Variants in RPS6KA2 observed in about 807,000 individuals in gnomAD.
RPS6KA2 encodes ribosomal protein S6 kinase alpha-2.
RPS6KA2 carries 42 observed loss-of-function variants against 91.8 expected under a neutral mutation model. The observed-to-expected ratio is 0.46, with a 90% confidence interval of 0.36 to 0.59. The LOEUF is 0.59. RPS6KA2 is among the 20% of genes least tolerant of loss of function. The pLI, the probability that RPS6KA2 is intolerant of heterozygous loss-of-function variation, is 0.00. For missense variants in RPS6KA2, 798 were observed against 978.5 expected, an observed-to-expected ratio of 0.82 and a Z score of 2.46; for synonymous variants, 414 against 393.6, an observed-to-expected ratio of 1.05 and a Z score of -0.61.
At chr6:166,782,890 T>G (rs1778806487) in intron 2 of RPS6KA2, among the ~76,000 whole-genome samples, 1 of 151,126 alleles carries the variant, frequency 6.6e-6, no homozygotes, top group Non-Finnish European at 1.5e-5. Flanking sequence ...TCCTCTGCTC[T>G]GGGTGATCAT....
At chr6:166,664,911 C>T (rs1419612177) in intron 2 of RPS6KA2, among the ~76,000 whole-genome samples, 2 of 152,128 alleles carry the variant, frequency 1.3e-5, no homozygotes, top group African/African-American at 2.4e-5. Context: ...CCTTTAGGAA[C>T]ATGAGCTCCA....
intron 2 of RPS6KA2, among the ~76,000 whole-genome samples, chr6:166,677,142 C>T (rs952258887): frequency 1.3e-5 from 2 of 152,210 alleles, no homozygotes; most frequent in South Asian, 4.1e-4. Context: ...GGTGTCTTCA[C>T]AACAGAAAGC....
intron 2 of RPS6KA2, among the ~76,000 whole-genome samples, chr6:166,642,028 G>T (rs775759928): frequency 6.6e-6 from 1 of 151,658 alleles, no homozygotes. Flanking sequence ...AAAATATACC[G>T]ATCTTCATAT....
chr6:166,831,279 G>A (rs1484521043), intron 2 of RPS6KA2, among the ~76,000 whole-genome samples: 5 of 152,148 alleles, frequency 3.3e-5, no homozygotes, highest in South Asian at 2.1e-4. Context: ...ATCCAGGACC[G>A]GAGGCCTCAC....
At chr6:166,720,155 G>A (rs958946020) in intron 2 of RPS6KA2, among the ~76,000 whole-genome samples, 2 of 152,124 alleles carry the variant, frequency 1.3e-5, no homozygotes, top group African/African-American at 4.8e-5. Context: ...TGTAAAGTGG[G>A]CATCTTTGTA....
In RPS6KA2 at chr6:166,457,222, C is replaced by G. The variant is rs556840985; in HGVS notation, c.1075+2227G>C. On this transcript the variant is annotated intron_variant, in intron 12 of 20. Coordinates refer to ENST00000265678, the MANE Select transcript of RPS6KA2 (RefSeq NM_021135.6). Reference sequence around the variant, plus strand: ...ATCTCGTGGTCAGACCTAATTGCCTCTGAGCTCCTTTTACATTCAGGCCAA... The same window carrying G: ...ATCTCGTGGTCAGACCTAATTGCCTGTGAGCTCCTTTTACATTCAGGCCAA... Among the ~76,000 whole-genome samples the G allele has an allele frequency of 2.6e-5, 4 of 152,330 alleles. No individual in the cohort carries two copies. In the East Asian group the frequency reaches 7.7e-4, roughly 29 times the overall value.
chr6:166,719,591 A>C (rs1041888762), intron 2 of RPS6KA2, among the ~76,000 whole-genome samples: 1 of 152,250 alleles, frequency 6.6e-6, no homozygotes, highest in African/African-American at 2.4e-5. Flanking sequence ...GGTCTTCTTA[A>C]ACCCCACAAT....
In RPS6KA2 at chr6:166,434,953, G is replaced by A. The variant is rs1361799206; in HGVS notation, c.1333-2463C>T. Among the ~76,000 whole-genome samples, 1 of 152,188 alleles carries A rather than the reference G, an allele frequency of 6.6e-6. No homozygotes were observed. The highest frequency in any genetic ancestry group is 1.5e-5 in the Non-Finnish European group (1 of 68,040). ...AAACATTTAATTGCCTTGCCTTCCTGTGAGGAGGGGAACAGGGTGCCTGGG... is the reference window on the plus strand; with the variant it reads ...AAACATTTAATTGCCTTGCCTTCCTATGAGGAGGGGAACAGGGTGCCTGGG... On this transcript the variant is annotated intron_variant, in intron 14 of 20. Coordinates refer to ENST00000265678, the MANE Select transcript of RPS6KA2 (RefSeq NM_021135.6). This position sits in a 1 kb window ranked among gnomAD's most constrained non-coding sequence, Gnocchi z 4.4.
intron 1 of RPS6KA2, among the ~76,000 whole-genome samples, chr6:166,546,482 CTTT>C (rs35709035): frequency 9.0e-5 from 13 of 144,434 alleles, no homozygotes; most frequent in African/African-American, 1.5e-4. Flanking sequence ...ACTGGGAAAA[CTTT>C]TTTTTTTTTT....
chr6:166,453,092 T>C lies in RPS6KA2; in HGVS notation c.1076-1859A>G, dbSNP rs184920082. 5.1e-3 allele frequency among the ~76,000 whole-genome samples: 778 copies of C among 151,826 alleles called. 11 individuals carry two copies. Among genetic ancestry groups the C allele is most frequent in the African/African-American group, 0.018 (736 of 41,372 alleles). On this transcript the variant is annotated intron_variant, in intron 12 of 20. Transcript: ENST00000265678. ...GGTGTACGCCTGTAATCCCAGCTGC[T>C]TGGGAGGCTGAGGCAGGAGAATTGC...
At position 166,839,683 on chromosome 6, in the gene RPS6KA2, G is replaced by GGC. The variant is rs1264513001; in HGVS notation, c.123+18516_123+18517insGC. Among the ~76,000 whole-genome samples, 274 of 86,384 alleles carry GGC rather than the reference G, an allele frequency of 3.2e-3. 10 individuals are homozygous for GGC. The highest frequency in any genetic ancestry group is 0.013 in the East Asian group (27 of 2,158). 56.7% of individuals were successfully genotyped at this position (86,384 alleles called of 152,430 possible). A position where few individuals can be genotyped will look rare whatever the true frequency, so the allele number is the denominator to read the frequency against. On this transcript the variant is annotated intron_variant, in intron 2 of 21. Transcript: ENST00000503859. Reference sequence around the variant, plus strand: ...AAGAGGGAGGTGGAAATCAGAGCAGGAGAGGAGAGGGGAGGAGAGGAGAGG... The same window carrying GGC: ...AAGAGGGAGGTGGAAATCAGAGCAGGGCAGAGGAGAGGGGAGGAGAGGAGAGG...
chr6:166,460,922 C>A (rs1241372445), intron 11 of RPS6KA2: 2 of 152,206 alleles, frequency 1.3e-5, no homozygotes, highest in African/African-American at 4.8e-5. Flanking sequence ...CGATGAGGCC[C>A]GACGGGAAGG....
At chr6:166,453,232 A>ACACACACACACAC (rs1562504101) in intron 12 of RPS6KA2, among the ~76,000 whole-genome samples, 31 of 94,274 alleles carry the variant, frequency 3.3e-4, no homozygotes, top group African/African-American at 1.1e-3. Context: ...CACACACACA[A>ACACACACACACAC]AAAGGCTTTA....
chr6:166,732,957 C>A lies in RPS6KA2; in HGVS notation c.123+125243G>T, dbSNP rs1306733717. Among the ~76,000 whole-genome samples, 2 of 152,072 alleles carry A rather than the reference C, an allele frequency of 1.3e-5. No homozygotes were observed. Among genetic ancestry groups the A allele is most frequent in the Non-Finnish European group, 2.9e-5 (2 of 68,014 alleles). ...TGCTGGCTTAGAGGAAATGAGGAAC[C>A]GGAGCGGCTGGGGTGCAGGGTGGGA... is the stretch of plus-strand genomic sequence containing the variant. On this transcript the variant is annotated intron_variant, in intron 2 of 21. Transcript: ENST00000503859. This position sits in a 1 kb window ranked among gnomAD's most constrained non-coding sequence, Gnocchi z 4.0.
intron 2 of RPS6KA2, among the ~76,000 whole-genome samples, chr6:166,651,293 G>T (rs1787847387): frequency 6.6e-6 from 1 of 152,210 alleles, no homozygotes; most frequent in African/African-American, 2.4e-5. Context: ...ACAGAAAAGT[G>T]TTGGATCATG....
At chr6:166,455,225 G>A (rs574975530) in intron 12 of RPS6KA2, among the ~76,000 whole-genome samples, 56 of 152,224 alleles carry the variant, frequency 3.7e-4, no homozygotes, top group African/African-American at 1.2e-3. Context: ...GGAGGCAGCT[G>A]CAGAGAACAC....
At chr6:166,475,213 G>A (rs1159562194) in intron 10 of RPS6KA2, among the ~76,000 whole-genome samples, 1 of 152,042 alleles carries the variant, frequency 6.6e-6, no homozygotes, top group African/African-American at 2.4e-5. Context: ...GCCACCCCAG[G>A]GTCTTTCTCT....
intron 2 of RPS6KA2, among the ~76,000 whole-genome samples, chr6:166,534,802 TG>T (rs1399622492): frequency 1.3e-5 from 2 of 152,290 alleles, no homozygotes; most frequent in African/African-American, 4.8e-5. Flanking sequence ...AGCTTCTCTG[TG>T]GGGCCAGGTA....
intron 2 of RPS6KA2, among the ~76,000 whole-genome samples, chr6:166,739,548 C>A (rs1331706194): frequency 6.6e-6 from 1 of 152,162 alleles, no homozygotes; most frequent in African/African-American, 2.4e-5. Flanking sequence ...GGAGCTTTTG[C>A]TCAGTGTCTA....
Sources: gnomAD v4.1 joint callset for allele counts (sites outside exome capture counted in the v4.1 genomes callset) on GRCh38, gnomAD v4.1.1 for gene constraint, Gnocchi (gnomAD v3.1) non-coding constraint, MANE v1.5 for transcripts, NCBI Gene and HGNC (gene_info 2026-07-23, HGNC 2026-07-21) for gene names.